HDAC4: variants seen among roughly 807,000 people sequenced by gnomAD.
HDAC4 encodes the protein histone deacetylase A.
Under a neutral mutation model 135.1 loss-of-function variants are expected in HDAC4, and 16 were observed. The ratio of observed to expected loss-of-function variants is 0.12; its 90% CI spans 0.08 to 0.18. HDAC4 has a LOEUF of 0.18. Among genes scored for constraint, HDAC4 ranks in the 10% least tolerant of loss-of-function variants. The pLI is 1.00. For synonymous variants in HDAC4, 685 were observed against 653.4 expected, an observed-to-expected ratio of 1.05 and a Z score of -0.74; for missense variants, 1,143 against 1,511.8, an observed-to-expected ratio of 0.76 and a Z score of 4.05.
chr2:239,266,195 C>T (rs2049718042), intron 2 of HDAC4, among the ~76,000 whole-genome samples: 1 of 152,216 alleles, frequency 6.6e-6, no homozygotes, highest in Non-Finnish European at 1.5e-5. Flanking sequence ...CATCCCAGCA[C>T]AGTGCCCGAG....
chr2:239,258,242 G>A (rs955968521), intron 2 of HDAC4, among the ~76,000 whole-genome samples: 2 of 152,092 alleles, frequency 1.3e-5, no homozygotes, highest in Non-Finnish European at 2.9e-5. Context: ...CAAAAGTCAA[G>A]GGCAGGAAGT....
chr2:239,131,567 G>A (rs2040587742), intron 11 of HDAC4, among the ~76,000 whole-genome samples: 1 of 152,198 alleles, frequency 6.6e-6, no homozygotes, highest in African/African-American at 2.4e-5. Context: ...TGGGGAAAAG[G>A]GCCCTGGGAA....
At chr2:239,181,998 G>A (rs965394124) in intron 4 of HDAC4, among the ~76,000 whole-genome samples, 4 of 152,244 alleles carry the variant, frequency 2.6e-5, no homozygotes, top group East Asian at 1.9e-4. Flanking sequence ...CCTTCCTAAC[G>A]CGGTGTTCCT....
At chr2:239,121,085 C>T (rs1218058480) in intron 12 of HDAC4, among the ~76,000 whole-genome samples, 3 of 151,684 alleles carry the variant, frequency 2.0e-5, no homozygotes, top group African/African-American at 7.3e-5. Context: ...CCACCTCAGC[C>T]TCCTGAGTAG....
chr2:239,148,849 G>A (rs1228724629), intron 7 of HDAC4, among the ~76,000 whole-genome samples: 1 of 152,218 alleles, frequency 6.6e-6, no homozygotes, highest in Non-Finnish European at 1.5e-5. Context: ...CTGTGCAGAG[G>A]AGGGTCTCCT....
At chr2:239,332,646 C>T (rs1263021370) in intron 2 of HDAC4, among the ~76,000 whole-genome samples, 1 of 151,082 alleles carries the variant, frequency 6.6e-6, no homozygotes, top group African/African-American at 2.4e-5. Flanking sequence ...AAAAAAAAAT[C>T]AGTGATCTAA....
chr2:239,295,099 A>C (rs1194158793), intron 2 of HDAC4, among the ~76,000 whole-genome samples: 1 of 151,932 alleles, frequency 6.6e-6, no homozygotes, highest in East Asian at 1.9e-4. Flanking sequence ...CGAGGTCAGG[A>C]GATCGAGACC....
chr2:239,355,528 T>C (rs1693433275), intron 1 of HDAC4, among the ~76,000 whole-genome samples: 1 of 152,246 alleles, frequency 6.6e-6, no homozygotes, highest in Non-Finnish European at 1.5e-5. Flanking sequence ...TCCCTCCTCA[T>C]ACATCACCTT....
intron 5 of HDAC4, among the ~76,000 whole-genome samples, chr2:239,164,817 A>G (rs1173227183): frequency 6.6e-6 from 1 of 152,242 alleles, no homozygotes; most frequent in Non-Finnish European, 1.5e-5. Context: ...TGAGTGGGTA[A>G]CACTGACTAC....
Position 239,115,335 on chromosome 2 carries a change from A to G in HDAC4, c.1534-25T>C. ...TCTGCAAGGCGGAGGTAACACATGA[A>G]GCACAGAGAGCTGGGTCCTCTGAGC... On this transcript the variant is annotated intron_variant, in intron 12 of 26. Coordinates refer to ENST00000543185, the MANE Select transcript of HDAC4 (RefSeq NM_001378414.1). The surrounding 1 kb of genome is among the most constrained non-coding windows in gnomAD (Gnocchi z 6.3). The G allele has an allele frequency of 6.2e-7, 1 of 1,612,834 alleles. No homozygotes were observed. The highest frequency in any genetic ancestry group is 8.5e-7 in the Non-Finnish European group (1 of 1,179,898).
intron 11 of HDAC4, 87 bp downstream of exon 11, chr2:239,134,158 C>T (rs868438982): frequency 6.5e-5 from 69 of 1,064,652 alleles, no homozygotes; most frequent in Middle Eastern, 5.7e-4. Flanking sequence ...GCATTCCTGT[C>T]TCCTCCAAAG....
chr2:239,119,984 GC>G, intron 12 of HDAC4, among the ~76,000 whole-genome samples: 1 of 141,362 alleles, frequency 7.1e-6, no homozygotes, highest in East Asian at 2.2e-4. Context: ...GCCAGAGAAG[GC>G]AGTGGGGACC....
chr2:239,343,208 A>G (rs1692403833), intron 2 of HDAC4, among the ~76,000 whole-genome samples: 1 of 152,116 alleles, frequency 6.6e-6, no homozygotes, highest in Non-Finnish European at 1.5e-5. Context: ...ATTAACTGTA[A>G]TTTTCATTAT....
At position 239,349,822 on chromosome 2, in the gene HDAC4, C is replaced by G. The variant is rs1205209644; in HGVS notation, c.22+2856G>C. Among the ~76,000 whole-genome samples the G allele has an allele frequency of 6.6e-6, 1 of 152,224 alleles. No individual in the cohort carries two copies. The highest frequency in any genetic ancestry group is 1.5e-5 in the Non-Finnish European group (1 of 68,048). ...CCCCAGGCAAACCACCTCAGCTGTA[C>G]CCCCTGCACAGATGGAGAGCAGAGA... On this transcript the variant is annotated intron_variant, in intron 2 of 26. Transcript: ENST00000543185. This position sits in a 1 kb window ranked among gnomAD's most constrained non-coding sequence, Gnocchi z 5.7.
chr2:239,321,602 A>T (rs1273478688), intron 2 of HDAC4, among the ~76,000 whole-genome samples: 2 of 152,014 alleles, frequency 1.3e-5, no homozygotes, highest in Non-Finnish European at 2.9e-5. Context: ...TTCAACAATT[A>T]CCTAACTGGG....
At chr2:239,058,950 C>A (rs1183925018) in intron 24 of HDAC4, among the ~76,000 whole-genome samples, 1 of 152,194 alleles carries the variant, frequency 6.6e-6, no homozygotes, top group Non-Finnish European at 1.5e-5. Flanking sequence ...GCAGGCTGAC[C>A]ACGCACTGGC....
intron 2 of HDAC4, among the ~76,000 whole-genome samples, chr2:239,257,734 G>GGAT (rs200676467): frequency 0.02 from 3,065 of 152,186 alleles, 53 homozygotes; most frequent in Non-Finnish European, 0.029. Flanking sequence ...CTACTAATGA[G>GGAT]GATGATGTCA....
intron 2 of HDAC4, among the ~76,000 whole-genome samples, chr2:239,275,008 G>C (rs970991551): frequency 5.9e-5 from 9 of 152,362 alleles, no homozygotes; most frequent in African/African-American, 1.9e-4. Flanking sequence ...ACAGATCAGC[G>C]GAGGGGCTTC....
chr2:239,092,754 G>A (rs1006629301), intron 17 of HDAC4, among the ~76,000 whole-genome samples: 4 of 152,198 alleles, frequency 2.6e-5, no homozygotes, highest in Middle Eastern at 3.2e-3. Context: ...TGGCTCAGGC[G>A]TGCAGCGCCA....
Sources: allele counts gnomAD v4.1 joint callset (sites outside exome capture counted in the v4.1 genomes callset), GRCh38; gene constraint gnomAD v4.1.1; non-coding constraint Gnocchi (gnomAD v3.1); transcripts MANE v1.5; gene names NCBI Gene and HGNC (gene_info 2026-07-23, HGNC 2026-07-21).